PDE4D: variants seen among roughly 807,000 people sequenced by gnomAD.
PDE4D encodes the protein 3',5'-cyclic-AMP phosphodiesterase 4D.
A neutral mutation model predicts 87.4 loss-of-function variants in PDE4D; 24 were observed. The ratio of observed to expected loss-of-function variants is 0.27; its 90% CI spans 0.20 to 0.39. The LOEUF is 0.39. Among genes scored for constraint, PDE4D ranks in the 10% least tolerant of loss-of-function variants. PDE4D has a pLI of 1.00. For synonymous variants in PDE4D, 384 were observed against 383.2 expected (o/e 1.00, Z -0.02); for missense variants, 714 against 1,041.0 (o/e 0.69, Z 4.32).
In PDE4D at chr5:60,399,493, T is replaced by C. The variant is rs562023329; in HGVS notation, c.-90+88449A>G. 4.6e-5 allele frequency among the ~76,000 whole-genome samples: 7 copies of C among 152,378 alleles called. No homozygotes were observed. The South Asian group carries it at 1.0e-3, about 23-fold the overall frequency. On this transcript the variant is annotated intron_variant, in intron 1 of 16. Transcript: ENST00000502484. Reference sequence around the variant, plus strand: ...TAGTGGGAAACAAAGCCCCTTCCATTACAGCAGTCAAGATAGCCAGATTCT... The same window carrying C: ...TAGTGGGAAACAAAGCCCCTTCCATCACAGCAGTCAAGATAGCCAGATTCT...
intron 1 of PDE4D, among the ~76,000 whole-genome samples, chr5:59,664,999 G>A (rs926529955): frequency 1.3e-5 from 2 of 152,110 alleles, no homozygotes; most frequent in African/African-American, 4.8e-5. Flanking sequence ...CCAATATAAC[G>A]TAATGATTCT....
intron 1 of PDE4D, among the ~76,000 whole-genome samples, chr5:59,417,321 GAT>G (rs1015101281): frequency 3.9e-5 from 6 of 152,078 alleles, no homozygotes; most frequent in African/African-American, 1.4e-4. Flanking sequence ...TTGGGGAAGA[GAT>G]AAAGAAATCC....
At chr5:59,843,604 T>C (rs1743380104) in intron 1 of PDE4D, among the ~76,000 whole-genome samples, 1 of 152,086 alleles carries the variant, frequency 6.6e-6, no homozygotes, top group South Asian at 2.1e-4. Context: ...TTTCCTCCTC[T>C]TCCTAAGTGA....
rs1426172798 is a variant in PDE4D, at chr5:60,389,329, G to T, written c.-90+98613C>A. On this transcript the variant is annotated intron_variant, in intron 1 of 16. Coordinates refer to the PDE4D transcript ENST00000502484. Reference sequence around the variant, plus strand: ...CTCTTGAAACTGTATTCAAAAGGTTGGCATATGTGCATTTTTCGAAGGAGA... The same window carrying T: ...CTCTTGAAACTGTATTCAAAAGGTTTGCATATGTGCATTTTTCGAAGGAGA... Among the ~76,000 whole-genome samples the T allele has an allele frequency of 4.6e-5, 7 of 152,036 alleles. No individual in the cohort carries two copies. In the East Asian group the frequency reaches 1.4e-3, roughly 29 times the overall value.
At chr5:60,341,709 G>A (rs900604907) in intron 1 of PDE4D, among the ~76,000 whole-genome samples, 1 of 152,104 alleles carries the variant, frequency 6.6e-6, no homozygotes, top group Non-Finnish European at 1.5e-5. Context: ...CTATTACCCT[G>A]CCTTTAAAAG....
At chr5:59,703,994 GAGAA>G (rs977704976) in intron 1 of PDE4D, among the ~76,000 whole-genome samples, 3 of 152,042 alleles carry the variant, frequency 2.0e-5, no homozygotes, top group Non-Finnish European at 2.9e-5. Context: ...AAGTGAGACA[GAGAA>G]AGAGAGGGAG....
chr5:59,880,316 T>C (rs1469728450), intron 1 of PDE4D, among the ~76,000 whole-genome samples: 2 of 152,036 alleles, frequency 1.3e-5, no homozygotes, highest in Non-Finnish European at 2.9e-5. Flanking sequence ...TGGTCTGTTG[T>C]CCAGGCTGGT....
chr5:59,214,646 A>C (rs959961426), intron 2 of PDE4D, among the ~76,000 whole-genome samples: 4 of 152,218 alleles, frequency 2.6e-5, no homozygotes, highest in African/African-American at 9.6e-5. Context: ...TGAATGAATA[A>C]GTAAGTGTCA....
intron 1 of PDE4D, among the ~76,000 whole-genome samples, chr5:60,336,430 G>T (rs1020939209): frequency 6.6e-6 from 1 of 152,166 alleles, no homozygotes; most frequent in African/African-American, 2.4e-5. Flanking sequence ...CTTAAGGGTA[G>T]AACCCTAGTG....
chr5:60,307,996 G>A (rs903350802), intron 1 of PDE4D, among the ~76,000 whole-genome samples: 1 of 152,096 alleles, frequency 6.6e-6, no homozygotes, highest in East Asian at 1.9e-4. Flanking sequence ...AGCCGAGATA[G>A]CACCATTGCT....
intron 1 of PDE4D, among the ~76,000 whole-genome samples, chr5:59,319,396 T>G (rs1207179001): frequency 1.3e-5 from 2 of 152,076 alleles, no homozygotes; most frequent in African/African-American, 2.4e-5. Context: ...AAAACTAATC[T>G]CTGACCTTTA....
chr5:59,479,485 GATA>G (rs1409553890), intron 1 of PDE4D, among the ~76,000 whole-genome samples: 2 of 152,004 alleles, frequency 1.3e-5, no homozygotes, highest in African/African-American at 4.8e-5. Context: ...TTCCAACCTG[GATA>G]ATAATTCCAA....
intron 2 of PDE4D, among the ~76,000 whole-genome samples, chr5:59,992,727 TA>T (rs200903365): frequency 0.015 from 2,358 of 152,332 alleles, 34 homozygotes; most frequent in Middle Eastern, 0.058. Context: ...TTTTTTGAGA[TA>T]ATTATCTCTA....
chr5:59,278,675 A>T (rs1765273002), intron 1 of PDE4D, among the ~76,000 whole-genome samples: 1 of 152,114 alleles, frequency 6.6e-6, no homozygotes, highest in Non-Finnish European at 1.5e-5. Context: ...TTTTAAAAAA[A>T]CTTAAACTGA....
chr5:59,711,349 T>A (rs1309907820), intron 1 of PDE4D, among the ~76,000 whole-genome samples: 1 of 152,032 alleles, frequency 6.6e-6, no homozygotes, highest in East Asian at 1.9e-4. Context: ...TATCTTCTTT[T>A]AAAAATAATA....
At chr5:60,028,513 A>T (rs553369474) in intron 2 of PDE4D, among the ~76,000 whole-genome samples, 50 of 152,192 alleles carry the variant, frequency 3.3e-4, no homozygotes, top group African/African-American at 1.0e-3. Flanking sequence ...TCCCTCCAAC[A>T]TATCCACCAA....
intron 1 of PDE4D, among the ~76,000 whole-genome samples, chr5:60,361,184 T>C (rs143987051): frequency 1.3e-5 from 2 of 152,266 alleles, no homozygotes; most frequent in East Asian, 1.9e-4. Flanking sequence ...ATCAAGCACA[T>C]AGTAGATGAT....
chr5:59,990,912 A>G (rs1423425825), intron 2 of PDE4D, among the ~76,000 whole-genome samples: 1 of 152,176 alleles, frequency 6.6e-6, no homozygotes, highest in Non-Finnish European at 1.5e-5. Flanking sequence ...AGGATGATTG[A>G]TCACCCTACA....
intron 1 of PDE4D, among the ~76,000 whole-genome samples, chr5:59,402,719 G>T (rs1002360525): frequency 1.1e-4 from 16 of 152,090 alleles, no homozygotes; most frequent in Non-Finnish European, 1.0e-4. Context: ...TGTATGCACA[G>T]GGCTTAGAAC....
Sources: allele counts gnomAD v4.1 joint callset (sites outside exome capture counted in the v4.1 genomes callset), GRCh38; gene constraint gnomAD v4.1.1; transcripts MANE v1.5; gene names NCBI Gene and HGNC (gene_info 2026-07-23, HGNC 2026-07-21).